ATXN7L1: variants seen among roughly 807,000 people sequenced by gnomAD.
The protein encoded by ATXN7L1 is ataxin 7 like 1, also known as ataxin-7-like protein 1.
In ATXN7L1, 15 loss-of-function variants were observed where a neutral mutation model predicts 70.8. The observed-to-expected ratio is 0.21, with a 90% confidence interval of 0.14 to 0.33. ATXN7L1 has a LOEUF of 0.33. ATXN7L1 is among the 10% of genes least tolerant of loss of function. The pLI, the probability that ATXN7L1 is intolerant of heterozygous loss-of-function variation, is 1.00. For synonymous variants in ATXN7L1, 440 were observed against 445.1 expected (o/e 0.99, Z 0.14); for missense variants, 975 against 1,097.1 (o/e 0.89, Z 1.57).
chr7:105,609,768 C>T (rs1438187923), intron 11 of ATXN7L1, among the ~76,000 whole-genome samples: 1 of 151,662 alleles, frequency 6.6e-6, no homozygotes, highest in East Asian at 1.9e-4. Context: ...CTGGCAAGTC[C>T]CTTTTTTACA....
intron 4 of ATXN7L1, among the ~76,000 whole-genome samples, chr7:105,664,575 G>GTGTGTGTGTATATATATA: frequency 7.6e-6 from 1 of 131,990 alleles, no homozygotes; most frequent in African/African-American, 2.8e-5. Flanking sequence ...GTATGTGTGT[G>GTGTGTGTGTATATATATA]TATATATATA....
At chr7:105,861,484 A>AG in intron 2 of ATXN7L1, among the ~76,000 whole-genome samples, 1 of 138,066 alleles carries the variant, frequency 7.2e-6, no homozygotes, top group Non-Finnish European at 1.6e-5. Flanking sequence ...GGAGAGGAGG[A>AG]GGGGGTCTTT....
chr7:105,653,183 A>T (rs907393800), intron 4 of ATXN7L1, among the ~76,000 whole-genome samples: 1 of 152,138 alleles, frequency 6.6e-6, no homozygotes, highest in Non-Finnish European at 1.5e-5. Flanking sequence ...CAGGCCGGGC[A>T]TGGTGGCTCA....
intron 3 of ATXN7L1, among the ~76,000 whole-genome samples, chr7:105,758,767 T>C (rs1800128099): frequency 6.6e-6 from 1 of 152,260 alleles, no homozygotes; most frequent in African/African-American, 2.4e-5. Context: ...CTGTGCCATC[T>C]GTAGATAGAC....
At chr7:105,701,106 G>A (rs570518594) in intron 3 of ATXN7L1, among the ~76,000 whole-genome samples, 8 of 152,274 alleles carry the variant, frequency 5.3e-5, no homozygotes, top group African/African-American at 1.7e-4. Context: ...AAGTTTGTGT[G>A]TGTAGATATC....
intron 3 of ATXN7L1, chr7:105,691,424 T>G (rs1790813068): frequency 6.6e-6 from 1 of 151,976 alleles, no homozygotes; most frequent in African/African-American, 2.4e-5. Context: ...GAGAAACAAA[T>G]TTCACTTTCC....
At chr7:105,854,310 G>C (rs754748910) in intron 2 of ATXN7L1, among the ~76,000 whole-genome samples, 1 of 151,994 alleles carries the variant, frequency 6.6e-6, no homozygotes, top group Admixed American at 6.5e-5. Flanking sequence ...CTCTCCTCCC[G>C]CTAGTGGCCA....
intron 4 of ATXN7L1, among the ~76,000 whole-genome samples, chr7:105,648,710 C>T (rs966563443): frequency 7.2e-5 from 11 of 152,232 alleles, no homozygotes; most frequent in South Asian, 2.1e-4. Flanking sequence ...TCACTGGCCC[C>T]GTGTGCATCC....
At chr7:105,860,839 GGAT>G (rs1444822742) in intron 2 of ATXN7L1, among the ~76,000 whole-genome samples, 1 of 152,160 alleles carries the variant, frequency 6.6e-6, no homozygotes, top group Non-Finnish European at 1.5e-5. Flanking sequence ...AAAGAAAAGG[GGAT>G]GATATGATCG....
At chr7:105,770,765 A>G (rs1217898344) in intron 3 of ATXN7L1, among the ~76,000 whole-genome samples, 5 of 152,198 alleles carry the variant, frequency 3.3e-5, no homozygotes, top group Non-Finnish European at 7.4e-5. Flanking sequence ...AAGTTTCTTT[A>G]TCTGTTATTC....
chr7:105,728,733 G>T (rs1796185591), intron 3 of ATXN7L1, among the ~76,000 whole-genome samples: 2 of 152,022 alleles, frequency 1.3e-5, no homozygotes, highest in African/African-American at 4.8e-5. Flanking sequence ...GGCAGAGGCA[G>T]GAAATATACA....
Position 105,614,348 on chromosome 7 carries a change from CAAGGAA to C in ATXN7L1, c.1980_1985del (p.Ser661_Leu662del), listed in dbSNP as rs1793519605. 2 of 1,552,300 alleles carry C rather than the reference CAAGGAA, an allele frequency of 1.3e-6. No individual in the cohort carries two copies. Among genetic ancestry groups the C allele is most frequent in the East Asian group, 4.9e-5 (2 of 40,922 alleles). On this transcript the variant is annotated inframe_deletion, in exon 10 of 12. Transcript: ENST00000419735. The surrounding 1 kb of genome is among the most constrained non-coding windows in gnomAD (Gnocchi z 4.3). ...ACAGTGGAGACGAGAGGGATGTCTG[CAAGGAA>C]GAGGAGGAGGAGGAGGAGGAGGAGG...
rs990183793 is a variant in ATXN7L1 at position 105,624,131 on chromosome 7, C to A, written c.1339G>T (p.Asp447Tyr). Residue 447 changes from aspartate to tyrosine, a missense_variant, in exon 8 of 12, where the codon GAC becomes TAC. By Grantham distance (160) the Asp-to-Tyr change is radical. Coordinates refer to ENST00000419735, the MANE Select transcript of ATXN7L1 (RefSeq NM_020725.2). ...TGACAGTCTAGCTTCTCGGATTCGTCGGCTCCGTCCATCTCCCCTTCATCA... is the reference window on the plus strand; with the variant it reads ...TGACAGTCTAGCTTCTCGGATTCGTAGGCTCCGTCCATCTCCCCTTCATCA... ...SSDEGEMDGA[D>Y]ESEKLDCQFS... The A allele has an allele frequency of 6.6e-7, 1 of 1,526,490 alleles. No individual in the cohort carries two copies. The highest frequency in any genetic ancestry group is 1.2e-5 in the South Asian group (1 of 80,922). 94.6% of individuals were successfully genotyped at this position (1,526,490 alleles called of 1,614,324 possible).
chr7:105,758,619 C>T (rs1037260575), intron 3 of ATXN7L1, among the ~76,000 whole-genome samples: 1 of 152,210 alleles, frequency 6.6e-6, no homozygotes, highest in African/African-American at 2.4e-5. Context: ...GAAAGGGGGC[C>T]CTCCCCTGCC....
At chr7:105,767,473 GAGCTTTCCTCAGCCAGTCC>G (rs1801431407) in intron 3 of ATXN7L1, among the ~76,000 whole-genome samples, 1 of 152,246 alleles carries the variant, frequency 6.6e-6, no homozygotes, top group Admixed American at 6.5e-5. Flanking sequence ...CTCTGGAGGT[GAGCTTTCCTCAGCCAGTCC>G]AGCTTGTTTC....
chr7:105,654,409 T>C (rs1800305157), intron 4 of ATXN7L1, among the ~76,000 whole-genome samples: 1 of 152,264 alleles, frequency 6.6e-6, no homozygotes, highest in Non-Finnish European at 1.5e-5. Context: ...ATGTGGAGCC[T>C]GAGGCTGAGA....
chr7:105,778,344 CAAA>C (rs10639727), intron 3 of ATXN7L1, among the ~76,000 whole-genome samples: 4 of 104,708 alleles, frequency 3.8e-5, no homozygotes, highest in East Asian at 2.3e-4. Flanking sequence ...CGCATCTCTA[CAAA>C]AAAAAAAAAA....
intron 3 of ATXN7L1, among the ~76,000 whole-genome samples, chr7:105,755,219 G>GAA (rs143955904): frequency 1.3e-5 from 2 of 151,802 alleles, no homozygotes; most frequent in Non-Finnish European, 2.9e-5. Context: ...ATTTAACAGG[G>GAA]AAAAAAACCT....
At chr7:105,747,791 T>A (rs1798746694) in intron 3 of ATXN7L1, among the ~76,000 whole-genome samples, 1 of 152,176 alleles carries the variant, frequency 6.6e-6, no homozygotes, top group Non-Finnish European at 1.5e-5. Context: ...ATTGTTTGCT[T>A]GGTGGTGGGA....
Sources: allele counts gnomAD v4.1 joint callset (sites outside exome capture counted in the v4.1 genomes callset), GRCh38; gene constraint gnomAD v4.1.1; non-coding constraint Gnocchi (gnomAD v3.1); transcripts MANE v1.5; gene names NCBI Gene and HGNC (gene_info 2026-07-23, HGNC 2026-07-21).